Variants in CNGA1 observed in about 807,000 individuals in gnomAD.
The protein encoded by CNGA1 is cyclic nucleotide gated channel subunit alpha 1.
In CNGA1, 53 loss-of-function variants were observed where a neutral mutation model predicts 69.7. That is an observed-to-expected ratio of 0.76 (90% CI 0.61 to 0.96). The LOEUF (loss-of-function observed/expected upper bound fraction) is 0.96, where lower values mean the gene tolerates loss of function less well. CNGA1 is among the 40% of genes least tolerant of loss of function. CNGA1 has a pLI of 0.00. For synonymous variants in CNGA1, 249 were observed against 283.5 expected (o/e 0.88, Z 1.22); for missense variants, 739 against 811.2 (o/e 0.91, Z 1.08).
At chr4:47,980,472 C>CTTTTTTT (rs5858098) in intron 3 of CNGA1, among the ~76,000 whole-genome samples, 8 of 112,362 alleles carry the variant, frequency 7.1e-5, no homozygotes, top group African/African-American at 1.7e-4. Flanking sequence ...TTCTTTCTTT[C>CTTTTTTT]TTTTTTTTTT....
Position 48,016,629 on chromosome 4 carries a change from G to A in CNGA1, c.-369C>T, listed in dbSNP as rs1483725292. The A allele has an allele frequency of 1.8e-6, 1 of 545,176 alleles. No homozygotes were observed. Among genetic ancestry groups the A allele is most frequent in the Non-Finnish European group, 3.2e-6 (1 of 313,556 alleles). The allele number at this position is 545,176 out of a possible 1,614,324, so 33.8% of individuals were successfully genotyped here. Reference sequence around the variant, plus strand: ...TATCACAGGCCGCTCCCAGGCCTGCGGGGGCCCTGAGAATTCGCAACAAGC... The same window carrying A: ...TATCACAGGCCGCTCCCAGGCCTGCAGGGGCCCTGAGAATTCGCAACAAGC... On this transcript the variant is annotated 5_prime_UTR_variant, in exon 1 of 11. Coordinates refer to ENST00000514170, the MANE Select transcript of CNGA1 (RefSeq NM_001379270.1).
intron 2 of CNGA1, among the ~76,000 whole-genome samples, chr4:47,997,642 G>T (rs1043722262): frequency 6.6e-6 from 1 of 152,004 alleles, no homozygotes; most frequent in African/African-American, 2.4e-5. Context: ...AATATATTGT[G>T]ATAATCAAGA....
intron 3 of CNGA1, among the ~76,000 whole-genome samples, chr4:47,961,937 A>G (rs1449194621): frequency 6.6e-6 from 1 of 152,264 alleles, no homozygotes; most frequent in Non-Finnish European, 1.5e-5. Context: ...TGTGAATTTT[A>G]TAAATCTAAA....
intron 3 of CNGA1, among the ~76,000 whole-genome samples, chr4:47,966,272 A>AT (rs1000081102): frequency 1.3e-5 from 2 of 152,206 alleles, no homozygotes; most frequent in Admixed American, 6.5e-5. Flanking sequence ...CTCAAGTGAG[A>AT]TTTTTTTAAC....
At chr4:47,972,560 A>T (rs1741099229) in intron 3 of CNGA1, among the ~76,000 whole-genome samples, 1 of 152,194 alleles carries the variant, frequency 6.6e-6, no homozygotes, top group Non-Finnish European at 1.5e-5. Context: ...GTTTTCCTCA[A>T]TCCGATGGGT....
chr4:48,008,172 T>TAA (rs140405164), intron 2 of CNGA1, among the ~76,000 whole-genome samples: 17,269 of 152,098 alleles, frequency 0.11, 1,570 homozygotes, highest in East Asian at 0.32. Context: ...CTTGATCATA[T>TAA]AAGTTTTGGG....
At position 47,997,150 on chromosome 4, in the gene CNGA1, T is replaced by C. The variant is rs376457564; in HGVS notation, c.-123+13644A>G. Among the ~76,000 whole-genome samples, 16 of 152,272 alleles carry C rather than the reference T, an allele frequency of 1.1e-4. No individual in the cohort carries two copies. In the South Asian group the frequency reaches 2.7e-3, roughly 26 times the overall value. On this transcript the variant is annotated intron_variant, in intron 2 of 10. Transcript: ENST00000514170. ...TACCTGAAGACTTTTGCAGAGTCCA[T>C]AGTGGAAATATTGTTGCTTATTACC...
At chr4:47,941,473 G>A (rs1739072098) in intron 9 of CNGA1, among the ~76,000 whole-genome samples, 1 of 152,178 alleles carries the variant, frequency 6.6e-6, no homozygotes, top group Non-Finnish European at 1.5e-5. Flanking sequence ...CCATCTAAAA[G>A]ACATTAAATC....
chr4:47,936,743 G>A lies in CNGA1; in HGVS notation c.1739C>T (p.Ala580Val). The change falls in exon 11 of 11, where the codon GCT (alanine) becomes GTT (valine). Residue 580 changes from alanine (A) to valine (V), a missense_variant. Transcript: ENST00000514170. ...FCLSKDDLME[A>V]LTEYPDAKTM... ...TTTGGCATCTGGGTACTCAGTTAGA[G>A]CTTCCATGAGGTCATCTTTTGAGAG... is the stretch of plus-strand genomic sequence containing the variant. 1 of 1,614,114 alleles carries A rather than the reference G, an allele frequency of 6.2e-7. No homozygotes were observed. The highest frequency in any genetic ancestry group is 8.5e-7 in the Non-Finnish European group (1 of 1,180,026).
intron 2 of CNGA1, among the ~76,000 whole-genome samples, chr4:47,998,130 C>G (rs569783892): frequency 1.3e-5 from 2 of 152,116 alleles, no homozygotes; most frequent in Admixed American, 6.5e-5. Flanking sequence ...GTCCAAAGAC[C>G]ATTTTTAATC....
chr4:48,004,373 T>TA (rs1323697511), intron 2 of CNGA1, among the ~76,000 whole-genome samples: 4 of 152,210 alleles, frequency 2.6e-5, no homozygotes, highest in African/African-American at 9.6e-5. Context: ...TGTCTTTTTT[T>TA]AATCTCTTTG....
At chr4:47,958,360 C>T (rs1161779028) in intron 3 of CNGA1, among the ~76,000 whole-genome samples, 1 of 152,106 alleles carries the variant, frequency 6.6e-6, no homozygotes, top group Non-Finnish European at 1.5e-5. Flanking sequence ...CGTGGTGGCT[C>T]ACGCCTGTAA....
At chr4:48,016,165 A>T (rs1024229575) in intron 1 of CNGA1, among the ~76,000 whole-genome samples, 1 of 152,206 alleles carries the variant, frequency 6.6e-6, no homozygotes, top group Non-Finnish European at 1.5e-5. Context: ...CCTATGACCC[A>T]GAAAATGGGG....
chr4:47,937,548 A>G lies in CNGA1; in HGVS notation c.934T>C (p.Cys312Arg). ...YIVIIIHWNA[C>R]VFYSISKAIG... ...GCTTTAGAAATAGAGTAGAACACAC[A>G]TGCATTCCAGTGGATAATGATGACG... The change falls in exon 11 of 11, where the codon TGT becomes CGT. Residue 312 changes from cysteine to arginine, a missense_variant. Coordinates refer to ENST00000514170, the MANE Select transcript of CNGA1 (RefSeq NM_001379270.1). 1.2e-6 allele frequency: 2 copies of G among 1,614,204 alleles called. No individual in the cohort carries two copies. The highest frequency in any genetic ancestry group is 1.1e-5 in the South Asian group (1 of 91,086).
chr4:48,014,124 T>C (rs527989282), intron 1 of CNGA1, among the ~76,000 whole-genome samples: 82 of 152,302 alleles, frequency 5.4e-4, no homozygotes, highest in Non-Finnish European at 1.0e-3. Flanking sequence ...AATTTTTGAG[T>C]CAGAAGAGTA....
intron 5 of CNGA1, 87 bp downstream of exon 5, chr4:47,951,266 A>G (rs1739720245): frequency 6.1e-6 from 5 of 822,040 alleles, no homozygotes; most frequent in Admixed American, 5.5e-5. Context: ...GGTCATCACC[A>G]TGATCTGATT....
At position 47,943,969 on chromosome 4, in the gene CNGA1, G is replaced by T. The variant is rs184330695; in HGVS notation, c.288-557C>A. Among the ~76,000 whole-genome samples, 150 of 152,284 alleles carry T rather than the reference G, an allele frequency of 9.9e-4. No homozygotes were observed. In the Middle Eastern group the frequency reaches 0.02, roughly 21 times the overall value. On this transcript the variant is annotated intron_variant, in intron 6 of 10. Transcript: ENST00000514170. ...CACATACAATTTCTTCTTGAGTGGA[G>T]ACTGTGTAACTAGTGCCTCTTTCTA...
intron 2 of CNGA1, among the ~76,000 whole-genome samples, chr4:48,004,178 GC>G (rs1469438213): frequency 1.3e-5 from 2 of 152,188 alleles, no homozygotes; most frequent in African/African-American, 4.8e-5. Flanking sequence ...TGCCTCAGCT[GC>G]CAGGCAGGAA....
At chr4:48,002,306 A>G (rs1714696260) in intron 2 of CNGA1, among the ~76,000 whole-genome samples, 1 of 152,214 alleles carries the variant, frequency 6.6e-6, no homozygotes, top group South Asian at 2.1e-4. Flanking sequence ...TGATTGAGAA[A>G]AAGATTACCA....
Sources: gnomAD v4.1 joint callset for allele counts (sites outside exome capture counted in the v4.1 genomes callset) on GRCh38, gnomAD v4.1.1 for gene constraint, MANE v1.5 for transcripts, NCBI Gene and HGNC (gene_info 2026-07-23, HGNC 2026-07-21) for gene names.